NCOA2: variants seen among roughly 807,000 people sequenced by gnomAD.
NCOA2 encodes the protein nuclear receptor coactivator 2.
In NCOA2, 21 loss-of-function variants were observed where a neutral mutation model predicts 145.1. That is an observed-to-expected ratio of 0.14 (90% CI 0.10 to 0.21). The LOEUF (loss-of-function observed/expected upper bound fraction) is 0.21. Among genes scored for constraint, NCOA2 ranks in the 10% least tolerant of loss-of-function variants. The pLI is 1.00. For synonymous variants in NCOA2, 619 were observed against 637.5 expected (o/e 0.97, Z 0.44); for missense variants, 1,472 against 1,837.6 (o/e 0.80, Z 3.64).
intron 1 of NCOA2, among the ~76,000 whole-genome samples, chr8:70,387,591 T>G (rs1812784139): frequency 6.6e-6 from 1 of 152,056 alleles, no homozygotes; most frequent in African/African-American, 2.4e-5. Flanking sequence ...CACATGCTCC[T>G]CTTATAATGT....
chr8:70,387,959 T>C (rs1313784115), intron 1 of NCOA2, among the ~76,000 whole-genome samples: 1 of 152,234 alleles, frequency 6.6e-6, no homozygotes, highest in Non-Finnish European at 1.5e-5. Flanking sequence ...CTTCAGCTGA[T>C]TCCAGCTCCC....
chr8:70,247,811 C>T (rs542496000), intron 2 of NCOA2, among the ~76,000 whole-genome samples: 7 of 152,324 alleles, frequency 4.6e-5, no homozygotes, highest in African/African-American at 1.4e-4. Context: ...GCTGTGCATT[C>T]CCTGACCAGA....
rs1585717490 is a variant in NCOA2 at position 70,121,275 on chromosome 8, T to C, written c.4383+27A>G. 4 of 1,573,196 alleles carry C rather than the reference T, an allele frequency of 2.5e-6. No individual in the cohort carries two copies. The East Asian group carries it at 9.0e-5, about 35-fold the overall frequency. On this transcript the variant is annotated intron_variant, in intron 22 of 22. Coordinates refer to ENST00000452400, the MANE Select transcript of NCOA2 (RefSeq NM_006540.4). The stretch of plus-strand genomic sequence containing the variant: ...TATTCATGTTTGCTTTACTTCCATA[T>C]TCATATATTTCACTGTTCTTTCTTA...
intron 1 of NCOA2, among the ~76,000 whole-genome samples, chr8:70,348,923 G>T (rs1442595695): frequency 6.6e-6 from 1 of 150,674 alleles, no homozygotes; most frequent in Non-Finnish European, 1.5e-5. Context: ...GAAGGCAAAA[G>T]CTTGGATTGC....
the NCOA2 span, among the ~76,000 whole-genome samples, chr8:70,421,440 C>A: frequency 7.4e-4 from 113 of 152,100 alleles, no homozygotes; most frequent in African/African-American, 2.6e-3. Context: ...CGCCTCTAGT[C>A]GTAGCTACTC....
upstream of NCOA2, among the ~76,000 whole-genome samples, chr8:70,406,785 C>A (rs147084133): frequency 2.6e-5 from 4 of 152,178 alleles, no homozygotes; most frequent in African/African-American, 9.6e-5. Context: ...TCACTTTTTT[C>A]ATAAGTAAAC....
At chr8:70,230,344 T>C (rs760914734) in intron 2 of NCOA2, among the ~76,000 whole-genome samples, 21 of 152,338 alleles carry the variant, frequency 1.4e-4, no homozygotes, top group Non-Finnish European at 2.1e-4. Context: ...GGAGTAACTG[T>C]TGAGTACAGG....
At chr8:70,304,839 G>A (rs1477186254) in intron 1 of NCOA2, among the ~76,000 whole-genome samples, 1 of 149,628 alleles carries the variant, frequency 6.7e-6, no homozygotes, top group Non-Finnish European at 1.5e-5. Context: ...AAAAGAAAGT[G>A]GACCAGAAGT....
At position 70,212,066 on chromosome 8, in the gene NCOA2, C is replaced by CATAT. The variant is rs36215324; in HGVS notation, c.259+1833_259+1836dup. ...CTTGTGCAAGACCTTCTTTGTGGCGCATATATATATATATATATATATATA... is the reference window on the plus strand; with the variant it reads ...CTTGTGCAAGACCTTCTTTGTGGCGCATATATATATATATATATATATATATATA... On this transcript the variant is annotated intron_variant, in intron 4 of 22. Coordinates refer to ENST00000452400, the MANE Select transcript of NCOA2 (RefSeq NM_006540.4). Among the ~76,000 whole-genome samples, 1,416 of 144,208 alleles carry CATAT rather than the reference C, an allele frequency of 9.8e-3. 11 individuals are homozygous for CATAT. The highest frequency in any genetic ancestry group is 0.041 in the East Asian group (187 of 4,540). 94.6% of individuals were successfully genotyped at this position (144,208 alleles called of 152,430 possible).
At chr8:70,302,921 A>G (rs530312039) in intron 1 of NCOA2, among the ~76,000 whole-genome samples, 1 of 152,352 alleles carries the variant, frequency 6.6e-6, no homozygotes, top group South Asian at 2.1e-4. Flanking sequence ...ATTTACATAT[A>G]TGACACAGTG....
chr8:70,309,356 G>A (rs556272730), intron 1 of NCOA2, among the ~76,000 whole-genome samples: 168 of 148,788 alleles, frequency 1.1e-3, no homozygotes, highest in African/African-American at 4.0e-3. Flanking sequence ...TTCATAAATA[G>A]TAATAAGGAC....
intron 1 of NCOA2, among the ~76,000 whole-genome samples, chr8:70,389,129 C>T (rs1812945376): frequency 6.6e-6 from 1 of 151,956 alleles, no homozygotes; most frequent in African/African-American, 2.4e-5. Flanking sequence ...TGTTGTTCCC[C>T]CTTGTTTTTA....
intron 5 of NCOA2, among the ~76,000 whole-genome samples, chr8:70,171,218 A>G (rs7017499): frequency 0.76 from 115,924 of 152,148 alleles, 45,198 homozygotes; most frequent in Non-Finnish European, 0.84. Context: ...AGTTGAGATA[A>G]TAACAGTGGC....
intron 11 of NCOA2, 77 bp from the exon 12 acceptor site, chr8:70,148,560 C>G (rs1480712843): frequency 2.2e-6 from 3 of 1,369,434 alleles, no homozygotes; most frequent in Non-Finnish European, 3.1e-6. Flanking sequence ...AATCACTGAC[C>G]TAACTGCCAT....
At chr8:70,239,109 C>T (rs1821901997) in intron 2 of NCOA2, among the ~76,000 whole-genome samples, 1 of 152,128 alleles carries the variant, frequency 6.6e-6, no homozygotes, top group African/African-American at 2.4e-5. Context: ...GATAACATTT[C>T]TAATCAACTT....
chr8:70,443,912 T>C, the NCOA2 span, among the ~76,000 whole-genome samples: 1 of 152,220 alleles, frequency 6.6e-6, no homozygotes, highest in Non-Finnish European at 1.5e-5. Context: ...ACTATGGTCA[T>C]GGTCACATGA....
At chr8:70,233,470 C>T (rs182751872) in intron 2 of NCOA2, among the ~76,000 whole-genome samples, 5 of 152,276 alleles carry the variant, frequency 3.3e-5, no homozygotes, top group African/African-American at 1.2e-4. Context: ...TAAGGGAATA[C>T]AGGCATGTAG....
the NCOA2 span, among the ~76,000 whole-genome samples, chr8:70,440,358 A>G: frequency 6.6e-6 from 1 of 152,182 alleles, no homozygotes; most frequent in African/African-American, 2.4e-5. Flanking sequence ...CCAGCACCTG[A>G]GGTCAGGAGT....
the NCOA2 span, among the ~76,000 whole-genome samples, chr8:70,441,557 GGAAAGAGAGAAAGAAAGA>G: frequency 2.0e-5 from 3 of 147,756 alleles, no homozygotes; most frequent in African/African-American, 7.5e-5. Context: ...GAAAGAAAGA[GGAAAGAGAGAAAGAAAGA>G]GAAAGAAAAG....
Sources: allele counts gnomAD v4.1 joint callset (sites outside exome capture counted in the v4.1 genomes callset), GRCh38; gene constraint gnomAD v4.1.1; transcripts MANE v1.5; gene names NCBI Gene and HGNC (gene_info 2026-07-23, HGNC 2026-07-21).